Variants in AGBL4 observed in about 807,000 individuals in gnomAD.
AGBL4 encodes the protein cytosolic carboxypeptidase 6.
A neutral mutation model predicts 66.4 loss-of-function variants in AGBL4; 58 were observed. The ratio of observed to expected loss-of-function variants is 0.87; its 90% CI spans 0.71 to 1.09. The LOEUF (loss-of-function observed/expected upper bound fraction) is 1.09, where lower values mean the gene tolerates loss of function less well. Among genes scored for constraint, AGBL4 ranks in the 50% least tolerant of loss-of-function variants. The probability of loss-of-function intolerance (pLI) is 0.00; values close to 1 mark genes in which losing one functional copy is unlikely to be tolerated. For missense variants in AGBL4, 579 were observed against 631.0 expected, an observed-to-expected ratio of 0.92 and a Z score of 0.88; for synonymous variants, 234 against 222.9, an observed-to-expected ratio of 1.05 and a Z score of -0.44.
intron 6 of AGBL4, among the ~76,000 whole-genome samples, chr1:48,803,633 A>G (rs909345521): frequency 6.6e-6 from 1 of 152,212 alleles, no homozygotes; most frequent in African/African-American, 2.4e-5. Context: ...GTAACTCACT[A>G]AGGTCTGAGG....
At chr1:49,417,003 C>A (rs902694903) in intron 3 of AGBL4, among the ~76,000 whole-genome samples, 1 of 151,996 alleles carries the variant, frequency 6.6e-6, no homozygotes, top group Admixed American at 6.6e-5. Context: ...GAGATTTAAC[C>A]TAATAGTATC....
intron 6 of AGBL4, among the ~76,000 whole-genome samples, chr1:48,834,201 T>C (rs1304004782): frequency 6.6e-6 from 1 of 152,144 alleles, no homozygotes; most frequent in Non-Finnish European, 1.5e-5. Context: ...GCTTCATAGA[T>C]GGAGATGAAT....
At chr1:49,562,869 GA>G (rs1644088044) in intron 3 of AGBL4, among the ~76,000 whole-genome samples, 1 of 151,018 alleles carries the variant, frequency 6.6e-6, no homozygotes, top group African/African-American at 2.5e-5. Context: ...GCTTGATGGG[GA>G]TGGCATTGAA....
chr1:49,668,272 C>T (rs1646407587), intron 3 of AGBL4, among the ~76,000 whole-genome samples: 1 of 152,024 alleles, frequency 6.6e-6, no homozygotes, highest in South Asian at 2.1e-4. Context: ...AATATTCATT[C>T]CCACTTAAGA....
chr1:49,590,374 G>A (rs561349063), intron 3 of AGBL4, among the ~76,000 whole-genome samples: 2 of 150,860 alleles, frequency 1.3e-5, no homozygotes, highest in Non-Finnish European at 3.0e-5. Context: ...TACCATCTAT[G>A]AAAAAGAATT....
intron 3 of AGBL4, among the ~76,000 whole-genome samples, chr1:49,496,429 G>A (rs1326948439): frequency 6.6e-6 from 1 of 151,738 alleles, no homozygotes; most frequent in Non-Finnish European, 1.5e-5. Context: ...ACAATACATT[G>A]TTATTAACAA....
At chr1:49,263,409 A>C (rs1182486184) in intron 3 of AGBL4, among the ~76,000 whole-genome samples, 1 of 152,150 alleles carries the variant, frequency 6.6e-6, no homozygotes, top group African/African-American at 2.4e-5. Context: ...TAATATGCAA[A>C]TTTATAAAGA....
chr1:49,313,296 C>T (rs550566022), intron 3 of AGBL4, among the ~76,000 whole-genome samples: 1 of 152,076 alleles, frequency 6.6e-6, no homozygotes, highest in South Asian at 2.1e-4. Context: ...TAGGTTGATT[C>T]CAGGTCTTTG....
chr1:48,655,984 G>A (rs1196903675), intron 7 of AGBL4, among the ~76,000 whole-genome samples: 1 of 152,164 alleles, frequency 6.6e-6, no homozygotes, highest in Admixed American at 6.5e-5. Context: ...TGTCAAGTGA[G>A]GAGAATAATC....
intron 1 of AGBL4, among the ~76,000 whole-genome samples, chr1:49,899,172 A>T (rs1484597879): frequency 6.6e-6 from 1 of 152,150 alleles, no homozygotes; most frequent in Non-Finnish European, 1.5e-5. Flanking sequence ...TGCGGGGATG[A>T]ATACCCAATT....
chr1:48,904,349 A>C (rs1456285590), intron 5 of AGBL4, among the ~76,000 whole-genome samples: 2 of 152,208 alleles, frequency 1.3e-5, no homozygotes, highest in Non-Finnish European at 2.9e-5. Flanking sequence ...TGAAAGAAAC[A>C]ACTATGGTTG....
At chr1:49,410,466 C>A (rs189026517) in intron 3 of AGBL4, among the ~76,000 whole-genome samples, 1 of 152,100 alleles carries the variant, frequency 6.6e-6, no homozygotes, top group African/African-American at 2.4e-5. Flanking sequence ...TGGAAGGGAG[C>A]ATTTTAACAG....
intron 6 of AGBL4, among the ~76,000 whole-genome samples, chr1:48,785,198 T>C (rs1433098456): frequency 2.0e-5 from 3 of 152,196 alleles, no homozygotes; most frequent in Admixed American, 6.5e-5. Context: ...TGTATCTTAG[T>C]ATGTAATTAT....
intron 6 of AGBL4, chr1:48,759,483 G>T (rs1295183894): frequency 1.8e-6 from 2 of 1,101,372 alleles, no homozygotes; most frequent in Admixed American, 6.3e-5. Flanking sequence ...ATGGGGTTCC[G>T]AGTGGGGAAG....
chr1:49,373,135 T>C (rs1348127372), intron 3 of AGBL4, among the ~76,000 whole-genome samples: 4 of 152,210 alleles, frequency 2.6e-5, no homozygotes, highest in African/African-American at 4.8e-5. Context: ...TTCTACACTC[T>C]GTATCTCTCT....
At chr1:48,934,475 G>C (rs534434512) in intron 5 of AGBL4, among the ~76,000 whole-genome samples, 12 of 152,246 alleles carry the variant, frequency 7.9e-5, no homozygotes, top group African/African-American at 2.6e-4. Context: ...AAGGATACTT[G>C]GTGGATATCT....
chr1:49,802,254 A>G (rs905891712), intron 2 of AGBL4, among the ~76,000 whole-genome samples: 18 of 150,918 alleles, frequency 1.2e-4, no homozygotes, highest in African/African-American at 4.4e-4. Context: ...CTATAAACAG[A>G]CACATCGGGG....
intron 10 of AGBL4, 130 bp downstream of exon 10, chr1:48,590,703 C>A: frequency 1.9e-6 from 2 of 1,044,392 alleles, no homozygotes; most frequent in Non-Finnish European, 2.7e-6. Flanking sequence ...CTATCTTCAT[C>A]ACCCACACAA....
At chr1:48,627,924 C>T (rs1416110774) in intron 9 of AGBL4, among the ~76,000 whole-genome samples, 1 of 152,152 alleles carries the variant, frequency 6.6e-6, no homozygotes, top group Non-Finnish European at 1.5e-5. Context: ...GAGTTGGGAT[C>T]TCATCATTCT....
Sources: gnomAD v4.1 joint callset for allele counts (sites outside exome capture counted in the v4.1 genomes callset) on GRCh38, gnomAD v4.1.1 for gene constraint, MANE v1.5 for transcripts, NCBI Gene and HGNC (gene_info 2026-07-23, HGNC 2026-07-21) for gene names.